The following AP2B1 variants were observed in gnomAD, a reference collection of about 807,000 sequenced individuals.
AP2B1 encodes the protein adaptor related protein complex 2 subunit beta 1, also known as AP-2 complex subunit beta.
In AP2B1, 23 loss-of-function variants were observed where a neutral mutation model predicts 102.0. The observed-to-expected ratio is 0.23, with a 90% CI of 0.16 to 0.32. The LOEUF is 0.32. Among genes scored for constraint, AP2B1 ranks in the 10% least tolerant of loss-of-function variants. AP2B1 has a pLI of 1.00. For synonymous variants in AP2B1, 381 were observed against 421.2 expected (o/e 0.90, Z 1.17); for missense variants, 541 against 1,157.4 (o/e 0.47, Z 7.73).
At chr17:35,657,837 G>A in intron 14 of AP2B1, 46 bp downstream of exon 14, 2 of 1,557,982 alleles carry the variant, frequency 1.3e-6, no homozygotes, top group Non-Finnish European at 1.8e-6. Context: ...TTTAGTTCTT[G>A]ATATGCTAGA....
At chr17:35,622,193 A>G (rs80278654) in intron 5 of AP2B1, among the ~76,000 whole-genome samples, 11,097 of 152,244 alleles carry the variant, frequency 0.073, 454 homozygotes, top group Middle Eastern at 0.11. Flanking sequence ...TGGGCTAGAT[A>G]AGTTTTCCTG....
intron 1 of AP2B1, chr17:35,588,652 TAGAA>T (rs1191447062): frequency 1.9e-4 from 29 of 152,210 alleles, no homozygotes; most frequent in African/African-American, 6.3e-4. Flanking sequence ...AAAGTAGTAA[TAGAA>T]AGCAGCAGAT....
rs754107674 is a variant in AP2B1 at position 35,608,129 on chromosome 17, T to C, written c.280-13T>C. The C allele has an allele frequency of 4.3e-6, 7 of 1,612,348 alleles. No homozygotes were observed. The South Asian group carries it at 6.6e-5, about 15-fold the overall frequency. The stretch of plus-strand genomic sequence containing the variant: ...CATGTATACCTACAGTTGTTGGTGA[T>C]TGTTTTCTGCAGGACTGTGAAGATC... On this transcript the variant is annotated splice_polypyrimidine_tract_variant and intron_variant, in intron 4 of 21. Transcript: ENST00000610402.
intron 3 of AP2B1, among the ~76,000 whole-genome samples, chr17:35,600,092 T>G (rs1461150692): frequency 6.6e-6 from 1 of 151,504 alleles, no homozygotes; most frequent in Non-Finnish European, 1.5e-5. Flanking sequence ...TTTATCATTA[T>G]TTTTTTTGAG....
intron 14 of AP2B1, among the ~76,000 whole-genome samples, chr17:35,665,207 G>A (rs1169461010): frequency 2.1e-5 from 3 of 143,146 alleles, no homozygotes; most frequent in Non-Finnish European, 4.5e-5. Flanking sequence ...ACATACTGCA[G>A]CCTTGACCTC....
chr17:35,633,964 CG>C (rs2074535375), intron 9 of AP2B1, among the ~76,000 whole-genome samples: 1 of 151,932 alleles, frequency 6.6e-6, no homozygotes, highest in Admixed American at 6.6e-5. Context: ...CTGGCCAACA[CG>C]GTGAAACCCC....
chr17:35,674,125 G>A lies in AP2B1; in HGVS notation c.2179-51G>A, dbSNP rs749733423. The A allele has an allele frequency of 8.5e-6, 13 of 1,531,476 alleles. No individual in the cohort carries two copies. In the African/African-American group the frequency reaches 1.2e-4, roughly 15 times the overall value. The allele number at this position is 1,531,476 out of a possible 1,614,324, so 94.9% of individuals were successfully genotyped here. On this transcript the variant is annotated intron_variant, in intron 16 of 21. Transcript: ENST00000610402. Reference sequence around the variant, plus strand: ...TTTTTTATTTGTTAAAAAATGCATAGCATCAAGATAAATCTTGTCTGATTC... The same window carrying A: ...TTTTTTATTTGTTAAAAAATGCATAACATCAAGATAAATCTTGTCTGATTC...
intron 21 of AP2B1, among the ~76,000 whole-genome samples, chr17:35,720,018 A>G (rs35396673): frequency 0.01 from 1,570 of 152,256 alleles, 26 homozygotes; most frequent in African/African-American, 0.036. Context: ...CCAAATAGCC[A>G]CCAAGTACTT....
intron 3 of AP2B1, among the ~76,000 whole-genome samples, chr17:35,600,008 T>G (rs1466624814): frequency 6.6e-6 from 1 of 152,218 alleles, no homozygotes; most frequent in Non-Finnish European, 1.5e-5. Context: ...GATTCTATAT[T>G]GCAACTAACT....
At chr17:35,650,142 G>A (rs144789725) in intron 12 of AP2B1, among the ~76,000 whole-genome samples, 2,252 of 152,156 alleles carry the variant, frequency 0.015, 42 homozygotes, top group African/African-American at 0.048. Context: ...TAGAGGTGGG[G>A]TTTCGCTATG....
intron 20 of AP2B1, among the ~76,000 whole-genome samples, chr17:35,712,924 A>C (rs2143009368): frequency 6.6e-6 from 1 of 152,342 alleles, no homozygotes; most frequent in South Asian, 2.1e-4. Context: ...GATAGACCAG[A>C]GTGATTGGAA....
At chr17:35,610,985 G>A (rs1221875176) in intron 5 of AP2B1, among the ~76,000 whole-genome samples, 2 of 152,070 alleles carry the variant, frequency 1.3e-5, no homozygotes, top group Admixed American at 1.3e-4. Context: ...CGAGGTGGGA[G>A]AATCCCTTGA....
chr17:35,597,041 T>TG (rs2073311161), intron 2 of AP2B1: 1 of 591,444 alleles, frequency 1.7e-6, no homozygotes, highest in Non-Finnish European at 3.1e-6. Flanking sequence ...GAAGCCCCGT[T>TG]GTGGGGGCCG....
At chr17:35,683,520 A>T (rs1318487557) in intron 18 of AP2B1, among the ~76,000 whole-genome samples, 1 of 152,242 alleles carries the variant, frequency 6.6e-6, no homozygotes, top group Non-Finnish European at 1.5e-5. Context: ...CCTATCTATG[A>T]TAAGTATAAC....
chr17:35,639,563 C>G, intron 10 of AP2B1, 32 bp from the exon 11 acceptor site: 1 of 1,579,678 alleles, frequency 6.3e-7, no homozygotes, highest in Non-Finnish European at 8.6e-7. Flanking sequence ...TAGTTTTGCC[C>G]TCAATAACCA....
intron 9 of AP2B1, among the ~76,000 whole-genome samples, chr17:35,630,426 G>A (rs1019413640): frequency 3.3e-5 from 5 of 152,078 alleles, no homozygotes; most frequent in Admixed American, 1.3e-4. Context: ...CTTACTAGCC[G>A]TCTACTTAGT....
At chr17:35,618,994 C>G (rs2074099170) in intron 5 of AP2B1, among the ~76,000 whole-genome samples, 1 of 152,164 alleles carries the variant, frequency 6.6e-6, no homozygotes, top group Non-Finnish European at 1.5e-5. Context: ...ATATTATCCT[C>G]CCCTACTCTG....
Position 35,671,822 on chromosome 17 carries a change from C to T in AP2B1, c.2100C>T (p.Val700=). Residue 700 remains valine, a synonymous_variant, in exon 16 of 22, where the codon GTC becomes GTT. Transcript: ENST00000610402. ...CTCCTTCACCTACACCTGCTGTGGT[C>T]AGCAGTGGACTGAATGACCTGTTTG... ...TFAPSPTPAV[V]SSGLNDLFEL... is the part of the protein sequence containing the mutation. 6 of 1,613,944 alleles carry T rather than the reference C, an allele frequency of 3.7e-6. No individual in the cohort carries two copies. The highest frequency in any genetic ancestry group is 5.1e-6 in the Non-Finnish European group (6 of 1,179,914).
chr17:35,674,761 C>G (rs1398417062), intron 17 of AP2B1, among the ~76,000 whole-genome samples: 2 of 152,196 alleles, frequency 1.3e-5, no homozygotes, highest in African/African-American at 4.8e-5. Context: ...TGAGCCCTGG[C>G]TCTTGCAAGC....
Sources: gnomAD v4.1 joint callset for allele counts (sites outside exome capture counted in the v4.1 genomes callset) on GRCh38, gnomAD v4.1.1 for gene constraint, MANE v1.5 for transcripts, NCBI Gene and HGNC (gene_info 2026-07-23, HGNC 2026-07-21) for gene names.